The following CADM1 variants were observed in gnomAD, a reference collection of about 807,000 sequenced individuals.
CADM1 encodes the protein cell adhesion molecule 1.
Under a neutral mutation model 53.1 loss-of-function variants are expected in CADM1, and 15 were observed. The ratio of observed to expected loss-of-function variants is 0.28; its 90% CI spans 0.19 to 0.44. The LOEUF (loss-of-function observed/expected upper bound fraction) is 0.44. Among genes scored for constraint, CADM1 ranks in the 20% least tolerant of loss-of-function variants. CADM1 has a pLI of 1.00. For missense variants in CADM1, 434 were observed against 611.3 expected, an observed-to-expected ratio of 0.71 and a Z score of 3.06; for synonymous variants, 281 against 243.0, an observed-to-expected ratio of 1.16 and a Z score of -1.45.
chr11:115,333,626 A>C (rs1182310772), intron 1 of CADM1: 1 of 152,088 alleles, frequency 6.6e-6, no homozygotes, highest in Admixed American at 6.6e-5. Context: ...TAGGTATTTT[A>C]TTATTTTCAC....
chr11:115,273,849 A>G (rs1301899484), intron 1 of CADM1, among the ~76,000 whole-genome samples: 1 of 152,224 alleles, frequency 6.6e-6, no homozygotes, highest in African/African-American at 2.4e-5. Context: ...ATAGCTCATG[A>G]TAAATTCAAT....
chr11:115,323,890 GA>G (rs200056022), intron 1 of CADM1, among the ~76,000 whole-genome samples: 100 of 144,940 alleles, frequency 6.9e-4, no homozygotes, highest in Middle Eastern at 3.5e-3. Context: ...TACGAAAAAG[GA>G]AAAAAAAAAA....
At chr11:115,203,825 C>T (rs1411574783) in intron 8 of CADM1, among the ~76,000 whole-genome samples, 4 of 151,726 alleles carry the variant, frequency 2.6e-5, no homozygotes, top group Non-Finnish European at 5.9e-5. Context: ...AGCTGGTTAG[C>T]TATGTTGTTA....
chr11:115,248,786 AAGAG>A (rs144465950), intron 1 of CADM1, among the ~76,000 whole-genome samples: 54 of 152,256 alleles, frequency 3.5e-4, no homozygotes, highest in African/African-American at 1.3e-3. Context: ...TGAGAACTAA[AAGAG>A]AGAGAAAAAA....
chr11:115,469,166 G>T (rs1033888979), intron 1 of CADM1, among the ~76,000 whole-genome samples: 3 of 152,104 alleles, frequency 2.0e-5, no homozygotes, highest in Non-Finnish European at 4.4e-5. Context: ...TCTTATAGAA[G>T]CTCTGATTTC....
At chr11:115,436,292 ATTTTAT>A (rs1416257534) in intron 1 of CADM1, among the ~76,000 whole-genome samples, 2 of 152,074 alleles carry the variant, frequency 1.3e-5, no homozygotes, top group Non-Finnish European at 2.9e-5. Flanking sequence ...TTTATGTAAG[ATTTTAT>A]TTTTATTTAA....
chr11:115,468,095 A>G (rs1170510882), intron 1 of CADM1, among the ~76,000 whole-genome samples: 1 of 152,250 alleles, frequency 6.6e-6, no homozygotes, highest in African/African-American at 2.4e-5. Context: ...TCTGGTATCT[A>G]CAAGAAAGAT....
intron 1 of CADM1, among the ~76,000 whole-genome samples, chr11:115,365,316 T>C (rs755286784): frequency 2.0e-5 from 3 of 152,192 alleles, no homozygotes; most frequent in Non-Finnish European, 4.4e-5. Context: ...AAATGAGTCA[T>C]TAAAAAATAC....
At chr11:115,487,311 T>G (rs1949396588) in intron 1 of CADM1, among the ~76,000 whole-genome samples, 1 of 152,224 alleles carries the variant, frequency 6.6e-6, no homozygotes, top group African/African-American at 2.4e-5. Flanking sequence ...GATCAGTTAT[T>G]CCATTATAAG....
chr11:115,367,769 GA>G (rs577233146), intron 1 of CADM1, among the ~76,000 whole-genome samples: 1 of 148,172 alleles, frequency 6.7e-6, no homozygotes, highest in Non-Finnish European at 1.5e-5. Flanking sequence ...GAATTTCTTA[GA>G]AAAAAAAACA....
intron 1 of CADM1, among the ~76,000 whole-genome samples, chr11:115,351,955 C>T (rs1280410414): frequency 6.6e-6 from 1 of 152,210 alleles, no homozygotes; most frequent in African/African-American, 2.4e-5. Context: ...AACCTCTGGA[C>T]AGCAGGTCAG....
At chr11:115,464,695 G>A (rs1279216929) in intron 1 of CADM1, among the ~76,000 whole-genome samples, 1 of 152,154 alleles carries the variant, frequency 6.6e-6, no homozygotes, top group Non-Finnish European at 1.5e-5. Flanking sequence ...TGGCATTAAG[G>A]GGGAATAAAA....
At chr11:115,464,022 C>A (rs1333880567) in intron 1 of CADM1, among the ~76,000 whole-genome samples, 2 of 152,188 alleles carry the variant, frequency 1.3e-5, no homozygotes, top group African/African-American at 4.8e-5. Context: ...GATGAAACAT[C>A]TTCAATTCAG....
chr11:115,250,894 A>C (rs1942583124), intron 1 of CADM1, among the ~76,000 whole-genome samples: 1 of 152,228 alleles, frequency 6.6e-6, no homozygotes, highest in Non-Finnish European at 1.5e-5. Context: ...GGTGCTATTA[A>C]CAATTATACT....
rs531991602 is a variant in CADM1, at chr11:115,300,580, G to T, written c.125-60160C>A. 2.6e-5 allele frequency among the ~76,000 whole-genome samples: 4 copies of T among 152,144 alleles called. No homozygotes were observed. The South Asian group carries it at 8.3e-4, about 32-fold the overall frequency. Reference sequence around the variant, plus strand: ...CATACTATCGAAATTCTGTCCTGAAGAACTCTTGAAACAAAATTTGCTGGA... The same window carrying T: ...CATACTATCGAAATTCTGTCCTGAATAACTCTTGAAACAAAATTTGCTGGA... On this transcript the variant is annotated intron_variant, in intron 1 of 11. Transcript: ENST00000331581.
intron 1 of CADM1, among the ~76,000 whole-genome samples, chr11:115,254,389 A>C (rs1392509624): frequency 6.6e-6 from 1 of 152,142 alleles, no homozygotes; most frequent in Non-Finnish European, 1.5e-5. Flanking sequence ...TGCTTTCAAA[A>C]TTATTTCCAA....
intron 1 of CADM1, among the ~76,000 whole-genome samples, chr11:115,316,168 G>A (rs1428213255): frequency 6.6e-6 from 1 of 152,174 alleles, no homozygotes; most frequent in African/African-American, 2.4e-5. Context: ...CAGTATGTAA[G>A]GTTTTTCAAG....
chr11:115,175,926 T>C lies in CADM1; in HGVS notation c.*548A>G. 9.9e-7 allele frequency: 1 copy of C among 1,010,224 alleles called. No individual in the cohort carries two copies. Among genetic ancestry groups the C allele is most frequent in the Non-Finnish European group, 1.2e-6 (1 of 844,730 alleles). 62.6% of individuals were successfully genotyped at this position (1,010,224 alleles called of 1,614,324 possible). On this transcript the variant is annotated 3_prime_UTR_variant, in exon 12 of 12. Transcript: ENST00000331581. The stretch of plus-strand genomic sequence containing the variant: ...AATGCATTATGGATACACTAAATTC[T>C]GAACTATGAAATCTAAGCTGTGCTG...
intron 1 of CADM1, among the ~76,000 whole-genome samples, chr11:115,503,867 C>T (rs969564133): frequency 6.6e-6 from 1 of 152,070 alleles, no homozygotes; most frequent in Non-Finnish European, 1.5e-5. Flanking sequence ...GAATGGACAG[C>T]CCTGGGAGGT....
Sources: gnomAD v4.1 joint callset for allele counts (sites outside exome capture counted in the v4.1 genomes callset) on GRCh38, gnomAD v4.1.1 for gene constraint, MANE v1.5 for transcripts, NCBI Gene and HGNC (gene_info 2026-07-23, HGNC 2026-07-21) for gene names.